Variants in ERBB4 observed in about 807,000 individuals in gnomAD.
The protein encoded by ERBB4 is erb-b2 receptor tyrosine kinase 4, also known as receptor tyrosine-protein kinase erbB-4.
Under a neutral mutation model 158.0 loss-of-function variants are expected in ERBB4, and 42 were observed. The ratio of observed to expected loss-of-function variants is 0.27; its 90% CI spans 0.21 to 0.34. The LOEUF (loss-of-function observed/expected upper bound fraction) is 0.34, where lower values mean the gene tolerates loss of function less well. Among genes scored for constraint, ERBB4 ranks in the 10% least tolerant of loss-of-function variants. The pLI is 1.00. For synonymous variants in ERBB4, 583 were observed against 558.7 expected (o/e 1.04, Z -0.61); for missense variants, 1,333 against 1,624.1 (o/e 0.82, Z 3.08).
chr2:211,628,161 ATTCT>A (rs1247281649), intron 17 of ERBB4, among the ~76,000 whole-genome samples: 2 of 30,142 alleles, frequency 6.6e-5, no homozygotes, highest in African/African-American at 1.2e-4. Context: ...CCACTGAGAT[ATTCT>A]TTTTTTTTTT....
intron 1 of ERBB4, among the ~76,000 whole-genome samples, chr2:212,373,971 TC>T (rs1224921244): frequency 9.0e-5 from 12 of 133,598 alleles, no homozygotes; most frequent in Non-Finnish European, 4.8e-5. Context: ...TCCATATATA[TC>T]CATATATATA....
chr2:212,225,104 T>C (rs1036654806), intron 1 of ERBB4, among the ~76,000 whole-genome samples: 1 of 151,940 alleles, frequency 6.6e-6, no homozygotes, highest in African/African-American at 2.4e-5. Flanking sequence ...TATGAAAGTT[T>C]TTATGTCCCC....
chr2:211,867,667 A>T (rs2078243648), intron 3 of ERBB4, among the ~76,000 whole-genome samples: 1 of 152,114 alleles, frequency 6.6e-6, no homozygotes, highest in African/African-American at 2.4e-5. Context: ...CTCCTGGGTG[A>T]TCATCCTGCC....
intron 20 of ERBB4, among the ~76,000 whole-genome samples, chr2:211,512,058 A>T (rs1054941240): frequency 6.6e-6 from 1 of 152,154 alleles, no homozygotes; most frequent in Non-Finnish European, 1.5e-5. Context: ...GTTTAAAGAC[A>T]TTATTTTTAT....
At chr2:211,716,399 G>C (rs1464192789) in intron 7 of ERBB4, among the ~76,000 whole-genome samples, 2 of 139,134 alleles carry the variant, frequency 1.4e-5, no homozygotes, top group South Asian at 2.2e-4. Flanking sequence ...AAAAAAGGCC[G>C]GGCGCAGTGG....
chr2:212,118,218 A>G (rs1182797980), intron 2 of ERBB4, among the ~76,000 whole-genome samples: 1 of 152,176 alleles, frequency 6.6e-6, no homozygotes, highest in Non-Finnish European at 1.5e-5. Flanking sequence ...TTAGAATTTC[A>G]TATTAACTCT....
intron 5 of ERBB4, among the ~76,000 whole-genome samples, chr2:211,746,553 G>T (rs1315923101): frequency 1.3e-5 from 2 of 152,116 alleles, no homozygotes; most frequent in Non-Finnish European, 2.9e-5. Context: ...TTCAGGCTGG[G>T]TGCACTGGCT....
At chr2:212,448,643 T>C (rs1287067568) in intron 1 of ERBB4, among the ~76,000 whole-genome samples, 1 of 152,082 alleles carries the variant, frequency 6.6e-6, no homozygotes, top group East Asian at 1.9e-4. Context: ...ACATCAGGCA[T>C]GGAGATTCTA....
At chr2:212,400,495 T>C (rs1246531780) in intron 1 of ERBB4, among the ~76,000 whole-genome samples, 1 of 152,184 alleles carries the variant, frequency 6.6e-6, no homozygotes, top group Non-Finnish European at 1.5e-5. Flanking sequence ...CAGTGATCAC[T>C]AAAATTTAAC....
At chr2:212,121,074 G>C (rs971569075) in intron 2 of ERBB4, among the ~76,000 whole-genome samples, 5 of 152,130 alleles carry the variant, frequency 3.3e-5, no homozygotes, top group African/African-American at 1.2e-4. Flanking sequence ...ATATTCAAAG[G>C]TATAATTTGA....
At chr2:211,944,200 C>CTATATATATATATA (rs1408226562) in intron 3 of ERBB4, among the ~76,000 whole-genome samples, 1 of 19,104 alleles carries the variant, frequency 5.2e-5, no homozygotes, top group African/African-American at 2.0e-4. Flanking sequence ...TATATATATA[C>CTATATATATATATA]TATATATATA....
At chr2:211,384,128 C>T (rs2062634798) in intron 27 of ERBB4, 68 bp from the exon 28 acceptor site, 24 of 1,149,182 alleles carry the variant, frequency 2.1e-5, no homozygotes, top group Non-Finnish European at 3.1e-5. Context: ...CAAGGTTATA[C>T]ATAATGGTTA....
At chr2:212,181,200 T>C (rs1225651553) in intron 1 of ERBB4, among the ~76,000 whole-genome samples, 2 of 151,754 alleles carry the variant, frequency 1.3e-5, no homozygotes, top group African/African-American at 2.4e-5. Flanking sequence ...TATAACTTGA[T>C]GTGATTTATG....
At chr2:212,359,779 A>C (rs2089612838) in intron 1 of ERBB4, among the ~76,000 whole-genome samples, 1 of 151,820 alleles carries the variant, frequency 6.6e-6, no homozygotes, top group Non-Finnish European at 1.5e-5. Flanking sequence ...TAAGAAAACA[A>C]ATGCTAAACC....
intron 1 of ERBB4, among the ~76,000 whole-genome samples, chr2:212,211,156 A>G (rs1394900304): frequency 6.6e-6 from 1 of 151,990 alleles, no homozygotes; most frequent in Non-Finnish European, 1.5e-5. Flanking sequence ...TACTTATTCC[A>G]CTGTGTCACT....
intron 1 of ERBB4, 144 bp from the exon 2 acceptor site, chr2:212,125,047 G>T: frequency 1.1e-6 from 1 of 913,890 alleles, no homozygotes; most frequent in Non-Finnish European, 1.7e-6. Flanking sequence ...AAGAGGCATA[G>T]ACCCACGCAC....
At chr2:212,466,088 G>A (rs1688819592) in intron 1 of ERBB4, among the ~76,000 whole-genome samples, 1 of 152,156 alleles carries the variant, frequency 6.6e-6, no homozygotes, top group African/African-American at 2.4e-5. Context: ...AAATCAATGT[G>A]TTTTACACCA....
intron 2 of ERBB4, among the ~76,000 whole-genome samples, chr2:212,053,328 T>C (rs910502420): frequency 4.6e-5 from 7 of 152,186 alleles, no homozygotes; most frequent in Non-Finnish European, 8.8e-5. Context: ...CTGGACCAAA[T>C]TACCCCTGGA....
intron 1 of ERBB4, among the ~76,000 whole-genome samples, chr2:212,352,234 G>T (rs1386408130): frequency 6.6e-6 from 1 of 151,594 alleles, no homozygotes; most frequent in Non-Finnish European, 1.5e-5. Context: ...TTGTACCTGG[G>T]TGATGAAATA....
Sources: gnomAD v4.1 joint callset for allele counts (sites outside exome capture counted in the v4.1 genomes callset) on GRCh38, gnomAD v4.1.1 for gene constraint, MANE v1.5 for transcripts, NCBI Gene and HGNC (gene_info 2026-07-23, HGNC 2026-07-21) for gene names.